The following VPS35L variants were observed in gnomAD, a reference collection of about 807,000 sequenced individuals.
VPS35L encodes VPS35 endosomal protein sorting factor like.
A neutral mutation model predicts 133.0 loss-of-function variants in VPS35L; 83 were observed. The observed-to-expected ratio is 0.62, with a 90% CI of 0.52 to 0.75. VPS35L has a LOEUF of 0.75. Ranked by LOEUF, VPS35L falls within the 30% of genes least tolerant of loss-of-function variation. The pLI, the probability that VPS35L is intolerant of heterozygous loss-of-function variation, is 0.00. For missense variants in VPS35L, 1,083 were observed against 1,206.8 expected (o/e 0.90, Z 1.52); for synonymous variants, 423 against 449.9 (o/e 0.94, Z 0.76).
chr16:19,660,569 A>T (rs1974451225), intron 26 of VPS35L, among the ~76,000 whole-genome samples: 1 of 152,154 alleles, frequency 6.6e-6, no homozygotes, highest in African/African-American at 2.4e-5. Flanking sequence ...ATTGAAAAAA[A>T]GCAAAATGCC....
chr16:19,661,543 C>T (rs546137318), intron 26 of VPS35L, among the ~76,000 whole-genome samples: 43 of 152,216 alleles, frequency 2.8e-4, no homozygotes, highest in African/African-American at 9.6e-4. Context: ...TACAGGAGCT[C>T]GAAGAGGCCC....
intron 2 of VPS35L, among the ~76,000 whole-genome samples, chr16:19,567,753 G>A (rs1049139436): frequency 6.6e-6 from 1 of 151,996 alleles, no homozygotes; most frequent in African/African-American, 2.4e-5. Context: ...AAGATCCCTT[G>A]GGCCCAGGAG....
chr16:19,657,996 C>T (rs1004077974), intron 26 of VPS35L, among the ~76,000 whole-genome samples: 2 of 152,180 alleles, frequency 1.3e-5, no homozygotes, highest in East Asian at 1.9e-4. Context: ...CCCACGTTCA[C>T]ATCTGTCCAC....
rs2151570845 is a variant in VPS35L, at chr16:19,633,286, T to C, written c.1635+114T>C. 1.0e-6 allele frequency: 1 copy of C among 961,496 alleles called. No individual in the cohort carries two copies. The highest frequency in any genetic ancestry group is 2.1e-4 in the Middle Eastern group (1 of 4,702). The allele number at this position is 961,496 out of a possible 1,614,324, so 59.6% of individuals were successfully genotyped here. ...GGCACATAATCCTGTGTTTGAATCATAGCTCTGCCATATCCTAGCCATGTG... is the reference window on the plus strand; with the variant it reads ...GGCACATAATCCTGTGTTTGAATCACAGCTCTGCCATATCCTAGCCATGTG... On this transcript the variant is annotated intron_variant, in intron 19 of 30. Coordinates refer to ENST00000417362, the MANE Select transcript of VPS35L (RefSeq NM_020314.7). The surrounding 1 kb of genome is among the most constrained non-coding windows in gnomAD (Gnocchi z 4.1).
intron 12 of VPS35L, among the ~76,000 whole-genome samples, chr16:19,613,795 T>G (rs1296618893): frequency 6.6e-6 from 1 of 152,052 alleles, no homozygotes; most frequent in African/African-American, 2.4e-5. Flanking sequence ...TGGATCTAGC[T>G]CCACCACAAA....
At chr16:19,693,218 T>C (rs1975761438) in intron 29 of VPS35L, among the ~76,000 whole-genome samples, 1 of 151,974 alleles carries the variant, frequency 6.6e-6, no homozygotes, top group Non-Finnish European at 1.5e-5. Flanking sequence ...CCCGTGAGTA[T>C]CAGACGAGGC....
At chr16:19,592,510 C>T (rs759406967) in intron 8 of VPS35L, among the ~76,000 whole-genome samples, 3 of 152,056 alleles carry the variant, frequency 2.0e-5, no homozygotes, top group Non-Finnish European at 4.4e-5. Context: ...TGTTCCCAGC[C>T]CTTTCTCTTT....
Position 19,570,873 on chromosome 16 carries a change from A to AT in VPS35L, c.285+1283dup, listed in dbSNP as rs1438392929. 3.1e-3 allele frequency among the ~76,000 whole-genome samples: 174 copies of AT among 56,802 alleles called. 6 individuals are homozygous for AT. Among genetic ancestry groups the AT allele is most frequent in the African/African-American group, 0.022 (168 of 7,506 alleles). The allele number at this position is 56,802 out of a possible 152,430, so 37.3% of individuals were successfully genotyped here. A position where few individuals can be genotyped will look rare whatever the true frequency, so the allele number is the denominator to read the frequency against. ...TATATATATATATATATATATATAT[A>AT]TATATATATATATATATTTTTGAGA... On this transcript the variant is annotated intron_variant, in intron 3 of 30. Coordinates refer to ENST00000417362, the MANE Select transcript of VPS35L (RefSeq NM_020314.7).
intron 26 of VPS35L, among the ~76,000 whole-genome samples, chr16:19,668,662 G>A (rs1974774683): frequency 6.6e-6 from 1 of 151,268 alleles, no homozygotes; most frequent in Admixed American, 6.6e-5. Flanking sequence ...TAACAAAAAT[G>A]GTGTGCACTA....
Position 19,639,060 on chromosome 16 carries a change from C to T in VPS35L, c.1699-955C>T, listed in dbSNP as rs545010874. Among the ~76,000 whole-genome samples the T allele has an allele frequency of 7.2e-5, 11 of 152,052 alleles. No individual in the cohort carries two copies. Among genetic ancestry groups the T allele is most frequent in the Admixed American group, 3.3e-4 (5 of 15,264 alleles). On this transcript the variant is annotated intron_variant, in intron 20 of 30. Transcript: ENST00000417362. This position sits in a 1 kb window ranked among gnomAD's most constrained non-coding sequence, Gnocchi z 4.1. ...GGGCACTCGAGCCTAGACAACAGAG[C>T]GAAACTCTGTTTCAAACAAATAAAA...
intron 2 of VPS35L, among the ~76,000 whole-genome samples, chr16:19,567,189 A>G (rs765617539): frequency 2.0e-5 from 3 of 152,228 alleles, no homozygotes; most frequent in Non-Finnish European, 4.4e-5. Context: ...GTAAGGAGAC[A>G]GCTTTAGGCT....
In VPS35L at chr16:19,601,672, G is replaced by A. The variant is rs1972387704; in HGVS notation, c.733G>A (p.Val245Met). 6.2e-7 allele frequency: 1 copy of A among 1,614,000 alleles called. No individual in the cohort carries two copies. The highest frequency in any genetic ancestry group is 8.5e-7 in the Non-Finnish European group (1 of 1,180,020). The change falls in exon 9 of 31, where the codon GTG becomes ATG. Residue 245 changes from valine (V) to methionine (M), a missense_variant. Physicochemically the swap from Val to Met is conservative, Grantham distance 21. Transcript: ENST00000417362. ...TGTCCTTTTCCTCCCAGGAAAGCTC[G>A]TGTACGAGCGCATCTTTTCCATGTG... is the stretch of plus-strand genomic sequence containing the variant. The part of the protein sequence containing the change: ...TDILDTFGKL[V>M]YERIFSMCVD...
At chr16:19,591,625 C>A (rs1172658664) in intron 7 of VPS35L, among the ~76,000 whole-genome samples, 165 bp from the exon 8 acceptor site, 1 of 151,990 alleles carries the variant, frequency 6.6e-6, no homozygotes, top group Non-Finnish European at 1.5e-5. Flanking sequence ...CTGTGAAAAG[C>A]ACAGTGGTTT....
intron 14 of VPS35L, among the ~76,000 whole-genome samples, chr16:19,620,475 T>C (rs1973041704): frequency 6.6e-6 from 1 of 152,308 alleles, no homozygotes; most frequent in African/African-American, 2.4e-5. Context: ...CCAGGACTTC[T>C]CTCTACTGTT....
chr16:19,650,325 C>T, intron 24 of VPS35L, 57 bp from the exon 25 acceptor site: 4 of 1,325,958 alleles, frequency 3.0e-6, no homozygotes, highest in Non-Finnish European at 4.4e-6. Flanking sequence ...CTATGGAAGA[C>T]ACTCATCTGA....
chr16:19,581,674 A>ACCCCCC, intron 7 of VPS35L, 21 bp downstream of exon 7: 1 of 1,208,242 alleles, frequency 8.3e-7, no homozygotes, highest in Non-Finnish European at 1.1e-6. Context: ...GTGATCCCCC[A>ACCCCCC]CCCCCACCCA....
Position 19,581,672 on chromosome 16 carries a change from C to CA in VPS35L, c.639+19_639+20insA. 1 of 1,605,416 alleles carries CA rather than the reference C, an allele frequency of 6.2e-7. No homozygotes were observed. The highest frequency in any genetic ancestry group is 8.5e-7 in the Non-Finnish European group (1 of 1,174,076). On this transcript the variant is annotated intron_variant, in intron 7 of 30. Coordinates refer to ENST00000417362, the MANE Select transcript of VPS35L (RefSeq NM_020314.7). ...CATCCAGGTTAGCTCTAGTGATCCC[C>CA]CACCCCCACCCAGAATTTCCTATGT...
intron 26 of VPS35L, among the ~76,000 whole-genome samples, chr16:19,664,608 A>G (rs757912207): frequency 6.6e-6 from 1 of 151,952 alleles, no homozygotes; most frequent in Non-Finnish European, 1.5e-5. Context: ...GAAAAGAAAC[A>G]TGGATGTCCC....
At chr16:19,669,325 G>T in intron 27 of VPS35L, 26 bp downstream of exon 27, 1 of 1,585,504 alleles carries the variant, frequency 6.3e-7, no homozygotes. Context: ...AGAACCGCAG[G>T]ACATGTCTTC....
Sources: gnomAD v4.1 joint callset for allele counts (sites outside exome capture counted in the v4.1 genomes callset) on GRCh38, gnomAD v4.1.1 for gene constraint, Gnocchi (gnomAD v3.1) non-coding constraint, MANE v1.5 for transcripts, NCBI Gene and HGNC (gene_info 2026-07-23, HGNC 2026-07-21) for gene names.